HS6ST3: variants seen among roughly 807,000 people sequenced by gnomAD.
The protein encoded by HS6ST3 is heparan-sulfate 6-O-sulfotransferase 3.
HS6ST3 carries 12 observed loss-of-function variants against 36.7 expected under a neutral mutation model. The ratio of observed to expected loss-of-function variants is 0.33; its 90% CI spans 0.21 to 0.53. The LOEUF (loss-of-function observed/expected upper bound fraction) is 0.53, where lower values mean the gene tolerates loss of function less well. Ranked by LOEUF, HS6ST3 falls within the 20% of genes least tolerant of loss-of-function variation. The probability of loss-of-function intolerance (pLI) is 0.95; values close to 1 mark genes in which losing one functional copy is unlikely to be tolerated. For missense variants in HS6ST3, 584 were observed against 640.9 expected (o/e 0.91, Z 0.96); for synonymous variants, 240 against 257.5 (o/e 0.93, Z 0.65).
chr13:96,739,238 T>A (rs972025820), intron 1 of HS6ST3, among the ~76,000 whole-genome samples: 4,346 of 147,050 alleles, frequency 0.03, 119 homozygotes, highest in African/African-American at 0.056. Context: ...TGTGTGTGTG[T>A]GTGTGTGTGT....
chr13:96,554,282 G>A (rs2056231139), intron 1 of HS6ST3, among the ~76,000 whole-genome samples: 1 of 152,116 alleles, frequency 6.6e-6, no homozygotes, highest in Non-Finnish European at 1.5e-5. Context: ...CAAGAGGTGA[G>A]AATTTCCAGA....
intron 1 of HS6ST3, among the ~76,000 whole-genome samples, chr13:96,212,101 A>G (rs776297803): frequency 6.6e-5 from 10 of 152,224 alleles, no homozygotes; most frequent in Non-Finnish European, 1.2e-4. Flanking sequence ...AGACATATTA[A>G]TAGGAAAATA....
intron 1 of HS6ST3, among the ~76,000 whole-genome samples, chr13:96,317,372 TTATATATA>T (rs57780978): frequency 0.21 from 10,835 of 51,956 alleles, 664 homozygotes; most frequent in Non-Finnish European, 0.31. Flanking sequence ...ATATATAAAA[TTATATATA>T]TATATATATA....
At chr13:96,415,395 T>G (rs1345565062) in intron 1 of HS6ST3, among the ~76,000 whole-genome samples, 3 of 152,224 alleles carry the variant, frequency 2.0e-5, no homozygotes, top group African/African-American at 7.2e-5. Context: ...AGTGATGCAC[T>G]TCCATTATCT....
intron 1 of HS6ST3, among the ~76,000 whole-genome samples, chr13:96,757,375 A>G (rs1186780291): frequency 2.6e-5 from 4 of 152,216 alleles, no homozygotes; most frequent in Non-Finnish European, 4.4e-5. Flanking sequence ...TCTACCACAC[A>G]TATATTATTT....
intron 1 of HS6ST3, among the ~76,000 whole-genome samples, chr13:96,260,367 A>G (rs569410226): frequency 1.3e-4 from 19 of 148,224 alleles, no homozygotes; most frequent in Middle Eastern, 3.5e-3. Context: ...GCTGGAGTGC[A>G]GTGGCACAAT....
At chr13:96,190,659 C>T (rs1043355433) in intron 1 of HS6ST3, among the ~76,000 whole-genome samples, 2 of 152,072 alleles carry the variant, frequency 1.3e-5, no homozygotes, top group African/African-American at 4.8e-5. Context: ...GGTTGGGAGA[C>T]AGCACTAAGC....
intron 1 of HS6ST3, among the ~76,000 whole-genome samples, chr13:96,378,801 C>T (rs1436300756): frequency 3.3e-5 from 5 of 152,130 alleles, no homozygotes; most frequent in Admixed American, 6.5e-5. Context: ...ACCTATAAAG[C>T]GGTGACTTTT....
chr13:96,664,010 A>T (rs573549293), intron 1 of HS6ST3, among the ~76,000 whole-genome samples: 2 of 151,586 alleles, frequency 1.3e-5, no homozygotes, highest in Non-Finnish European at 1.5e-5. Flanking sequence ...GTTTAAGGGA[A>T]TTTTTTTTTG....
chr13:96,348,186 C>T (rs1475443061), intron 1 of HS6ST3, among the ~76,000 whole-genome samples: 2 of 152,202 alleles, frequency 1.3e-5, no homozygotes, highest in Non-Finnish European at 2.9e-5. Context: ...CATATTAAAG[C>T]AGCACTTGAC....
At chr13:96,468,463 A>G (rs2055824585) in intron 1 of HS6ST3, among the ~76,000 whole-genome samples, 2 of 120,976 alleles carry the variant, frequency 1.7e-5, no homozygotes, top group Admixed American at 1.8e-4. Flanking sequence ...AACATTTAAC[A>G]GGACATACAC....
intron 1 of HS6ST3, among the ~76,000 whole-genome samples, chr13:96,594,277 T>C (rs80117974): frequency 6.8e-6 from 1 of 147,856 alleles, no homozygotes; most frequent in Non-Finnish European, 1.5e-5. Flanking sequence ...GGCCAGGGTC[T>C]TTTTTTTTTA....
intron 1 of HS6ST3, among the ~76,000 whole-genome samples, chr13:96,370,248 TA>T (rs926760161): frequency 1.3e-5 from 2 of 152,194 alleles, no homozygotes; most frequent in African/African-American, 4.8e-5. Context: ...GGTGGAAAAC[TA>T]GCTAAAGTTA....
At chr13:96,681,644 C>G (rs1473971853) in intron 1 of HS6ST3, among the ~76,000 whole-genome samples, 2 of 152,082 alleles carry the variant, frequency 1.3e-5, no homozygotes, top group African/African-American at 4.8e-5. Flanking sequence ...GATTTAAAGC[C>G]TCATTTGGAA....
intron 1 of HS6ST3, among the ~76,000 whole-genome samples, chr13:96,361,351 ACTTT>A (rs1157141201): frequency 2.0e-5 from 3 of 152,194 alleles, no homozygotes; most frequent in African/African-American, 4.8e-5. Context: ...TTTTTAAATG[ACTTT>A]CTTTATTTTA....
intron 1 of HS6ST3, among the ~76,000 whole-genome samples, chr13:96,576,373 G>A (rs970670173): frequency 6.6e-6 from 1 of 152,132 alleles, no homozygotes; most frequent in Non-Finnish European, 1.5e-5. Flanking sequence ...TAAATGTCTT[G>A]TTAAAAACAG....
chr13:96,806,118 A>G (rs936782829), intron 1 of HS6ST3, among the ~76,000 whole-genome samples: 41 of 152,326 alleles, frequency 2.7e-4, no homozygotes, highest in African/African-American at 9.4e-4. Context: ...GCACATAGCT[A>G]GAGGTGGGAT....
Position 96,802,993 on chromosome 13 carries a change from C to T in HS6ST3, c.708-29497C>T, listed in dbSNP as rs149149552. Among the ~76,000 whole-genome samples the T allele has an allele frequency of 6.1e-4, 93 of 152,224 alleles. 2 individuals are homozygous for T. The highest frequency in any genetic ancestry group is 2.1e-3 in the African/African-American group (89 of 41,546). On this transcript the variant is annotated intron_variant, in intron 1 of 1. Coordinates refer to ENST00000376705, the MANE Select transcript of HS6ST3 (RefSeq NM_153456.4). ...ACATAACCTCCCTCATCCCCAATAA[C>T]GTGGAAACAGATAATTATTCTACCC...
intron 1 of HS6ST3, among the ~76,000 whole-genome samples, chr13:96,711,252 C>CA (rs1483230402): frequency 2.0e-4 from 30 of 152,296 alleles, no homozygotes; most frequent in African/African-American, 6.7e-4. Flanking sequence ...ATGAATAACC[C>CA]AACCTCTCAA....
Sources: gnomAD v4.1 joint callset for allele counts (sites outside exome capture counted in the v4.1 genomes callset) on GRCh38, gnomAD v4.1.1 for gene constraint, MANE v1.5 for transcripts, NCBI Gene and HGNC (gene_info 2026-07-23, HGNC 2026-07-21) for gene names.